Variants in CCDC73 observed in about 807,000 individuals in gnomAD.
CCDC73 encodes the protein coiled-coil domain-containing protein 73.
A neutral mutation model predicts 116.5 loss-of-function variants in CCDC73; 95 were observed. The ratio of observed to expected loss-of-function variants is 0.82; its 90% CI spans 0.69 to 0.97. The LOEUF (loss-of-function observed/expected upper bound fraction) is 0.97. Among genes scored for constraint, CCDC73 ranks in the 50% least tolerant of loss-of-function variants. The pLI is 0.00. For missense variants in CCDC73, 1,066 were observed against 1,206.8 expected (o/e 0.88, Z 1.73); for synonymous variants, 398 against 401.3 (o/e 0.99, Z 0.10).
intron 2 of CCDC73, among the ~76,000 whole-genome samples, chr11:32,748,547 GTTCATCTT>G (rs1204951842): frequency 1.3e-5 from 2 of 151,866 alleles, no homozygotes; most frequent in Non-Finnish European, 2.9e-5. Context: ...TTTTTAATTG[GTTCATCTT>G]TTCATCTTTC....
intron 12 of CCDC73, among the ~76,000 whole-genome samples, chr11:32,649,027 T>C (rs1370332959): frequency 2.0e-5 from 3 of 152,214 alleles, no homozygotes; most frequent in African/African-American, 7.2e-5. Flanking sequence ...TGCCCCTTCA[T>C]GAGCTCTAAG....
chr11:32,628,479 C>T (rs949172633), intron 14 of CCDC73, among the ~76,000 whole-genome samples: 7 of 152,092 alleles, frequency 4.6e-5, no homozygotes, highest in Admixed American at 6.6e-5. Context: ...CTTGCAGGGG[C>T]GCCACAAGCT....
At chr11:32,607,465 T>C (rs1442181035) in intron 17 of CCDC73, among the ~76,000 whole-genome samples, 2 of 152,178 alleles carry the variant, frequency 1.3e-5, no homozygotes, top group African/African-American at 4.8e-5. Flanking sequence ...ACTCCCCTAT[T>C]AGATTAATTA....
chr11:32,764,975 T>C (rs1302298477), intron 1 of CCDC73, among the ~76,000 whole-genome samples: 1 of 152,044 alleles, frequency 6.6e-6, no homozygotes, highest in Non-Finnish European at 1.5e-5. Context: ...TAGTCTCTGA[T>C]AAAACAGACT....
chr11:32,758,342 C>A, intron 2 of CCDC73: 2 of 504,080 alleles, frequency 4.0e-6, no homozygotes, highest in South Asian at 2.9e-5. Flanking sequence ...TGTCCCAAAC[C>A]CCTGGTAATA....
chr11:32,655,096 A>ATTAAAGTGTAATTTCCCT, intron 9 of CCDC73, 124 bp from the exon 10 acceptor site: 1 of 519,300 alleles, frequency 1.9e-6, no homozygotes, highest in Non-Finnish European at 3.1e-6. Context: ...ATTCCCTTGC[A>ATTAAAGTGTAATTTCCCT]AGTTCCCTTG....
intron 2 of CCDC73, among the ~76,000 whole-genome samples, chr11:32,720,799 G>T (rs1849983402): frequency 6.6e-6 from 1 of 152,116 alleles, no homozygotes; most frequent in South Asian, 2.1e-4. Flanking sequence ...ATCTCTTGGA[G>T]TGGGCATTAA....
chr11:32,752,191 T>C (rs1363313339), intron 2 of CCDC73, among the ~76,000 whole-genome samples: 2 of 152,214 alleles, frequency 1.3e-5, no homozygotes, highest in East Asian at 1.9e-4. Flanking sequence ...TAATATTTCG[T>C]TGGCCAAGAA....
At position 32,792,598 on chromosome 11, in the gene CCDC73, C is replaced by T. The variant is rs553094582; in HGVS notation, c.-16+2015G>A. On this transcript the variant is annotated intron_variant, in intron 1 of 17. Transcript: ENST00000335185. ...TTTAGGAAATACTGTCTTTTGGAAA[C>T]GGTGTACCTCCAACTGTCTTGAGGT... is the stretch of plus-strand genomic sequence containing the variant. 3.3e-5 allele frequency among the ~76,000 whole-genome samples: 5 copies of T among 152,280 alleles called. No individual in the cohort carries two copies. In the South Asian group the frequency reaches 6.2e-4, roughly 19 times the overall value.
chr11:32,753,471 TTC>T (rs1850305482), intron 2 of CCDC73, among the ~76,000 whole-genome samples: 1 of 151,624 alleles, frequency 6.6e-6, no homozygotes. Flanking sequence ...AAATTTTGTT[TTC>T]TTTTTTTTTG....
chr11:32,817,821 C>A, the CCDC73 span, among the ~76,000 whole-genome samples: 1 of 152,168 alleles, frequency 6.6e-6, no homozygotes, highest in East Asian at 1.9e-4. Context: ...AAATATGAAC[C>A]ATAATTTCTC....
chr11:32,777,384 T>C (rs903192391), intron 1 of CCDC73, among the ~76,000 whole-genome samples: 32 of 152,158 alleles, frequency 2.1e-4, no homozygotes, highest in African/African-American at 7.7e-4. Context: ...GGATTATAGG[T>C]GTGAGCCACC....
intron 7 of CCDC73, among the ~76,000 whole-genome samples, chr11:32,678,408 T>C (rs978991374): frequency 1.3e-5 from 2 of 152,220 alleles, no homozygotes; most frequent in African/African-American, 4.8e-5. Flanking sequence ...ACCCTATTTT[T>C]AGGAAGAAGT....
chr11:32,727,596 G>A (rs553416805), intron 2 of CCDC73, among the ~76,000 whole-genome samples: 6 of 151,582 alleles, frequency 4.0e-5, no homozygotes, highest in East Asian at 1.9e-4. Flanking sequence ...TTTTTGAGAC[G>A]TTGTCTCGCT....
At chr11:32,702,099 G>C (rs965952346) in intron 4 of CCDC73, among the ~76,000 whole-genome samples, 2 of 151,912 alleles carry the variant, frequency 1.3e-5, no homozygotes, top group Non-Finnish European at 2.9e-5. Flanking sequence ...TCAGATTAAA[G>C]GAAGAAAGTC....
At chr11:32,811,949 CTT>C in the CCDC73 span, among the ~76,000 whole-genome samples, 1 of 146,464 alleles carries the variant, frequency 6.8e-6, no homozygotes. Flanking sequence ...ATGGTTGATC[CTT>C]TTTTTTTTTC....
chr11:32,730,763 A>G (rs1258029854), intron 2 of CCDC73, among the ~76,000 whole-genome samples: 1 of 152,180 alleles, frequency 6.6e-6, no homozygotes, highest in Non-Finnish European at 1.5e-5. Context: ...GTGTATAATT[A>G]GCTGCTAAAT....
At chr11:32,664,067 C>T (rs912975212) in intron 9 of CCDC73, among the ~76,000 whole-genome samples, 12 of 152,166 alleles carry the variant, frequency 7.9e-5, no homozygotes, top group African/African-American at 2.9e-4. Flanking sequence ...TGATGTGCTG[C>T]TGGATTCGGT....
intron 6 of CCDC73, among the ~76,000 whole-genome samples, chr11:32,694,012 G>A (rs1348666643): frequency 6.6e-6 from 1 of 152,202 alleles, no homozygotes; most frequent in Non-Finnish European, 1.5e-5. Flanking sequence ...CACAAGACAG[G>A]GATGCCCTCT....
Sources: allele counts gnomAD v4.1 joint callset (sites outside exome capture counted in the v4.1 genomes callset), GRCh38; gene constraint gnomAD v4.1.1; transcripts MANE v1.5; gene names NCBI Gene and HGNC (gene_info 2026-07-23, HGNC 2026-07-21).